Variants in DENND1A observed in about 807,000 individuals in gnomAD.
DENND1A encodes the protein DENN domain-containing protein 1A.
Under a neutral mutation model 113.7 loss-of-function variants are expected in DENND1A, and 51 were observed. The observed-to-expected ratio is 0.45, with a 90% CI of 0.36 to 0.57. DENND1A has a LOEUF of 0.57. Among genes scored for constraint, DENND1A ranks in the 20% least tolerant of loss-of-function variants. The pLI, the probability that DENND1A is intolerant of heterozygous loss-of-function variation, is 0.00. For missense variants in DENND1A, 1,258 were observed against 1,395.9 expected (o/e 0.90, Z 1.57); for synonymous variants, 565 against 570.8 (o/e 0.99, Z 0.14).
intron 5 of DENND1A, among the ~76,000 whole-genome samples, chr9:123,721,872 C>G (rs1037331552): frequency 1.3e-5 from 2 of 152,082 alleles, no homozygotes; most frequent in African/African-American, 4.8e-5. Context: ...TGAAAACAGA[C>G]TAATACAGTA....
rs548215773 is a variant in DENND1A, at chr9:123,802,674, G to A, written c.89-10044C>T. 2.0e-5 allele frequency among the ~76,000 whole-genome samples: 3 copies of A among 150,564 alleles called. No homozygotes were observed. In the South Asian group the frequency reaches 6.3e-4, roughly 32 times the overall value. On this transcript the variant is annotated intron_variant, in intron 2 of 23. Coordinates refer to ENST00000394215, the MANE Select transcript of DENND1A (RefSeq NM_001352964.2). ...CTCTTCCTTCTTCTATTCCACAGGG[G>A]CATATACTCTATCCATCTTTTCACT... is the stretch of plus-strand genomic sequence containing the variant.
In DENND1A at chr9:123,383,659, T is replaced by C. The variant is rs778090960; in HGVS notation, c.2015A>G (p.Tyr672Cys). 9 of 1,613,154 alleles carry C rather than the reference T, an allele frequency of 5.6e-6. No homozygotes were observed. The highest frequency in any genetic ancestry group is 1.1e-5 in the South Asian group (1 of 91,062). The change falls in exon 23 of 24, where the codon TAT becomes TGT. Residue 672 changes from tyrosine (Y) to cysteine (C), a missense_variant. By Grantham distance (194) the Tyr-to-Cys change is radical. Transcript: ENST00000394215. ...DLREQPGTFD[Y>C]QRLDLGGSER... ...CCTCCCTTGCCCATGCCATACCTGA[T>C]AGTCAAAGGTCCCTGGCTGCTCCCT... is the stretch of plus-strand genomic sequence containing the variant.
intron 5 of DENND1A, among the ~76,000 whole-genome samples, chr9:123,700,421 T>C (rs538874487): frequency 6.6e-6 from 1 of 152,356 alleles, no homozygotes; most frequent in East Asian, 1.9e-4. Context: ...AAGAGATTTA[T>C]GTTAAGTAAC....
intron 13 of DENND1A, among the ~76,000 whole-genome samples, chr9:123,510,793 C>G (rs1295380256): frequency 6.6e-6 from 1 of 152,182 alleles, no homozygotes; most frequent in Non-Finnish European, 1.5e-5. Context: ...AAAGGGGATG[C>G]TTTACACTAA....
chr9:123,852,496 A>C (rs1843530307), intron 2 of DENND1A, among the ~76,000 whole-genome samples: 1 of 152,318 alleles, frequency 6.6e-6, no homozygotes, highest in East Asian at 1.9e-4. Flanking sequence ...AAACTCCTCA[A>C]AAAGAAAGTG....
intron 8 of DENND1A, among the ~76,000 whole-genome samples, chr9:123,654,124 G>A (rs1224617537): frequency 6.6e-6 from 1 of 152,140 alleles, no homozygotes; most frequent in Non-Finnish European, 1.5e-5. Flanking sequence ...TCCACTGGAC[G>A]GAGGAACACA....
chr9:123,757,026 C>T (rs1163348840), intron 5 of DENND1A, among the ~76,000 whole-genome samples: 1 of 152,158 alleles, frequency 6.6e-6, no homozygotes, highest in East Asian at 1.9e-4. Flanking sequence ...ACTTCCCCCT[C>T]AGGAGGAGCC....
chr9:123,546,389 A>G lies in DENND1A; in HGVS notation c.993+11181T>C, dbSNP rs1278142330. 3.4e-5 allele frequency among the ~76,000 whole-genome samples: 5 copies of G among 146,404 alleles called. No individual in the cohort carries two copies. In the East Asian group the frequency reaches 9.7e-4, roughly 28 times the overall value. On this transcript the variant is annotated intron_variant, in intron 13 of 23. Coordinates refer to ENST00000394215, the MANE Select transcript of DENND1A (RefSeq NM_001352964.2). ...CAGTGAAACCCCGTCTCTACTAAAA[A>G]TACAAAAAAAAAAGTAGCCGGGCGT...
chr9:123,840,576 GA>G (rs1263801818), intron 2 of DENND1A, among the ~76,000 whole-genome samples: 5 of 152,160 alleles, frequency 3.3e-5, no homozygotes, highest in Admixed American at 1.3e-4. Context: ...GCTGACACAT[GA>G]AAGGTACTCA....
intron 2 of DENND1A, among the ~76,000 whole-genome samples, chr9:123,832,518 T>C (rs192020463): frequency 9.9e-5 from 15 of 152,284 alleles, no homozygotes; most frequent in East Asian, 1.9e-4. Context: ...CCTATGTACA[T>C]ACCAAACAAA....
intron 8 of DENND1A, among the ~76,000 whole-genome samples, chr9:123,661,239 A>G (rs1252727447): frequency 1.3e-5 from 2 of 152,210 alleles, no homozygotes; most frequent in African/African-American, 4.8e-5. Flanking sequence ...TCCCAGCTCA[A>G]TGAGCTAGTT....
chr9:123,471,942 T>C (rs2049460470), intron 13 of DENND1A, among the ~76,000 whole-genome samples: 1 of 152,198 alleles, frequency 6.6e-6, no homozygotes, highest in South Asian at 2.1e-4. Context: ...AATCTCTGGA[T>C]GGGGATTCTG....
At chr9:123,594,972 A>G (rs562552427) in intron 11 of DENND1A, among the ~76,000 whole-genome samples, 30 of 152,324 alleles carry the variant, frequency 2.0e-4, no homozygotes, top group Admixed American at 5.9e-4. Context: ...ATACACAAAG[A>G]GGGAAGAGTG....
intron 1 of DENND1A, among the ~76,000 whole-genome samples, chr9:123,896,622 A>G (rs1850800652): frequency 1.3e-5 from 2 of 152,172 alleles, no homozygotes; most frequent in South Asian, 4.1e-4. Context: ...AATATTTAAT[A>G]AGCTTAAATA....
intron 5 of DENND1A, among the ~76,000 whole-genome samples, chr9:123,687,588 C>T (rs1317833548): frequency 6.6e-6 from 1 of 152,180 alleles, no homozygotes; most frequent in Non-Finnish European, 1.5e-5. Context: ...GGGTACAAAG[C>T]AGAACCTTTC....
At chr9:123,543,379 T>C (rs540488156) in intron 13 of DENND1A, among the ~76,000 whole-genome samples, 1 of 152,364 alleles carries the variant, frequency 6.6e-6, no homozygotes, top group African/African-American at 2.4e-5. Context: ...TTAATGTATT[T>C]AAAAAGTTAC....
chr9:123,391,889 C>T (rs1424104768), intron 21 of DENND1A, among the ~76,000 whole-genome samples: 3 of 151,956 alleles, frequency 2.0e-5, no homozygotes, highest in East Asian at 1.9e-4. Flanking sequence ...AGGCAGGTTG[C>T]GGCAAACTTG....
At chr9:123,406,613 T>C (rs544352222) in intron 20 of DENND1A, among the ~76,000 whole-genome samples, 33 of 152,310 alleles carry the variant, frequency 2.2e-4, no homozygotes, top group African/African-American at 7.7e-4. Flanking sequence ...AGTATCATCG[T>C]GATTAGAGCT....
At chr9:123,413,529 A>G in intron 19 of DENND1A, 1 of 985,428 alleles carries the variant, frequency 1.0e-6, no homozygotes, top group Non-Finnish European at 1.2e-6. Context: ...CCTGTGTCCC[A>G]GTTGTCCCTG....
Sources: allele counts gnomAD v4.1 joint callset (sites outside exome capture counted in the v4.1 genomes callset), GRCh38; gene constraint gnomAD v4.1.1; transcripts MANE v1.5; gene names NCBI Gene and HGNC (gene_info 2026-07-23, HGNC 2026-07-21).